MEI4: variants seen among roughly 807,000 people sequenced by gnomAD.
The protein encoded by MEI4 is meiosis-specific protein MEI4.
MEI4 carries 27 observed loss-of-function variants against 31.4 expected under a neutral mutation model. The ratio of observed to expected loss-of-function variants is 0.86; its 90% confidence interval spans 0.63 to 1.19. The LOEUF (loss-of-function observed/expected upper bound fraction) is 1.19. MEI4 is among the 50% of genes most tolerant of loss of function. The pLI, the probability that MEI4 is intolerant of heterozygous loss-of-function variation, is 0.00. For synonymous variants in MEI4, 122 were observed against 145.4 expected (o/e 0.84, Z 1.16); for missense variants, 329 against 398.9 (o/e 0.82, Z 1.49).
intron 4 of MEI4, among the ~76,000 whole-genome samples, chr6:77,866,696 T>A (rs1180773865): frequency 5.3e-5 from 8 of 152,148 alleles, no homozygotes; most frequent in South Asian, 2.1e-4. Context: ...AAGCTACCAA[T>A]GACTTTCTTC....
At chr6:77,831,541 CCTCT>C (rs1199478164) in intron 4 of MEI4, among the ~76,000 whole-genome samples, 7 of 149,692 alleles carry the variant, frequency 4.7e-5, no homozygotes, top group Non-Finnish European at 1.0e-4. Context: ...TAATAATATT[CCTCT>C]CTCTCTATAT....
intron 4 of MEI4, among the ~76,000 whole-genome samples, chr6:77,903,603 G>C (rs1766230312): frequency 6.6e-6 from 1 of 152,110 alleles, no homozygotes; most frequent in South Asian, 2.1e-4. Context: ...GGGTATCCTT[G>C]TCTTGTACTT....
At chr6:77,777,570 C>T (rs1768484070) in intron 3 of MEI4, among the ~76,000 whole-genome samples, 2 of 151,956 alleles carry the variant, frequency 1.3e-5, no homozygotes, top group South Asian at 4.2e-4. Context: ...ATCAAATTTC[C>T]CTAAAGGAAA....
intron 4 of MEI4, among the ~76,000 whole-genome samples, chr6:77,917,458 C>CAT (rs1427291310): frequency 6.7e-6 from 1 of 150,238 alleles, no homozygotes; most frequent in African/African-American, 2.5e-5. Flanking sequence ...TTAATGATTG[C>CAT]CATTCTAACT....
intron 1 of MEI4, among the ~76,000 whole-genome samples, chr6:77,674,681 C>G (rs2127646864): frequency 6.6e-6 from 1 of 152,174 alleles, no homozygotes; most frequent in Non-Finnish European, 1.5e-5. Context: ...GGATGCATCT[C>G]TGTCATTAAG....
intron 2 of MEI4, among the ~76,000 whole-genome samples, chr6:77,739,574 G>T (rs1001372952): frequency 6.6e-6 from 1 of 152,024 alleles, no homozygotes; most frequent in Non-Finnish European, 1.5e-5. Context: ...CCTGTCAGGG[G>T]GTGGGGAGCA....
At chr6:77,753,891 C>T (rs926654888) in intron 2 of MEI4, among the ~76,000 whole-genome samples, 5 of 152,070 alleles carry the variant, frequency 3.3e-5, no homozygotes, top group African/African-American at 1.2e-4. Context: ...GAAAATGTGG[C>T]ACATATACAC....
chr6:77,806,340 T>C (rs1268710651), intron 3 of MEI4, among the ~76,000 whole-genome samples: 1 of 152,106 alleles, frequency 6.6e-6, no homozygotes, highest in Non-Finnish European at 1.5e-5. Context: ...TACTTATTGG[T>C]GTTTTGGAGT....
chr6:77,700,232 G>A (rs1293369285), intron 2 of MEI4, among the ~76,000 whole-genome samples: 1 of 152,200 alleles, frequency 6.6e-6, no homozygotes, highest in East Asian at 1.9e-4. Context: ...TTGAGCTGTG[G>A]TGGGCTCCAC....
At chr6:77,817,299 T>C (rs1769711723) in intron 3 of MEI4, among the ~76,000 whole-genome samples, 1 of 152,180 alleles carries the variant, frequency 6.6e-6, no homozygotes, top group Non-Finnish European at 1.5e-5. Flanking sequence ...TGCATGGTAC[T>C]GTGAGGATAG....
At chr6:77,917,749 T>G (rs879140064) in intron 4 of MEI4, among the ~76,000 whole-genome samples, 1 of 150,584 alleles carries the variant, frequency 6.6e-6, no homozygotes, top group Non-Finnish European at 1.5e-5. Context: ...TTTCTTTTGC[T>G]GTGCAGAAGC....
At chr6:77,755,261 T>G (rs1171747749) in intron 2 of MEI4, among the ~76,000 whole-genome samples, 1 of 152,116 alleles carries the variant, frequency 6.6e-6, no homozygotes. Context: ...ATACTTGAGA[T>G]CCACTCTAAA....
chr6:77,682,364 T>C (rs1377905505), intron 1 of MEI4, among the ~76,000 whole-genome samples: 1 of 152,220 alleles, frequency 6.6e-6, no homozygotes, highest in Non-Finnish European at 1.5e-5. Flanking sequence ...TAAAACTGTA[T>C]GCGAATTAGA....
chr6:77,707,522 A>G (rs1766359497), intron 2 of MEI4, among the ~76,000 whole-genome samples: 1 of 152,206 alleles, frequency 6.6e-6, no homozygotes, highest in African/African-American at 2.4e-5. Context: ...TTTTCATGGG[A>G]GGAATTCAAG....
intron 2 of MEI4, among the ~76,000 whole-genome samples, chr6:77,744,278 G>C (rs1247774401): frequency 1.3e-5 from 2 of 152,142 alleles, no homozygotes; most frequent in African/African-American, 4.8e-5. Flanking sequence ...ACTTAAAGGA[G>C]CTGATGGAGC....
At chr6:77,791,422 A>G (rs1045612173) in intron 3 of MEI4, among the ~76,000 whole-genome samples, 1 of 150,714 alleles carries the variant, frequency 6.6e-6, no homozygotes, top group Non-Finnish European at 1.5e-5. Flanking sequence ...TCAGTAAACT[A>G]TCGCAAGAAC....
chr6:77,799,342 T>G (rs1264500831), intron 3 of MEI4, among the ~76,000 whole-genome samples: 164 of 152,206 alleles, frequency 1.1e-3, no homozygotes, highest in African/African-American at 3.4e-3. Context: ...ATGGGGTTGT[T>G]TGTTTTTTTC....
chr6:77,847,792 A>G lies in MEI4; in HGVS notation c.900+18730A>G, dbSNP rs1040789731. Among the ~76,000 whole-genome samples, 1 of 152,046 alleles carries G rather than the reference A, an allele frequency of 6.6e-6. No individual in the cohort carries two copies. The highest frequency in any genetic ancestry group is 6.6e-5 in the Admixed American group (1 of 15,234). On this transcript the variant is annotated intron_variant, in intron 4 of 4. Transcript: ENST00000684080. This position sits in a 1 kb window ranked among gnomAD's most constrained non-coding sequence, Gnocchi z 4.6. ...TCTTATTTATTTTTCTATTTATATT[A>G]CTCACCTATGAAAGAATGTGTTGAT...
At chr6:77,833,515 TTA>T (rs1279592087) in intron 4 of MEI4, among the ~76,000 whole-genome samples, 1 of 152,208 alleles carries the variant, frequency 6.6e-6, no homozygotes, top group African/African-American at 2.4e-5. Context: ...TCAATATATG[TTA>T]TCTCTTAATA....
Sources: gnomAD v4.1 joint callset for allele counts (sites outside exome capture counted in the v4.1 genomes callset) on GRCh38, gnomAD v4.1.1 for gene constraint, Gnocchi (gnomAD v3.1) non-coding constraint, MANE v1.5 for transcripts, NCBI Gene and HGNC (gene_info 2026-07-23, HGNC 2026-07-21) for gene names.